Variants in GAS7 observed in about 807,000 individuals in gnomAD.
GAS7 encodes the protein growth arrest specific 7, also known as growth arrest-specific protein 7.
Under a neutral mutation model 71.1 loss-of-function variants are expected in GAS7, and 28 were observed. The ratio of observed to expected loss-of-function variants is 0.39; its 90% CI spans 0.29 to 0.54. The LOEUF is 0.54. Among genes scored for constraint, GAS7 ranks in the 20% least tolerant of loss-of-function variants. The pLI, the probability that GAS7 is intolerant of heterozygous loss-of-function variation, is 0.62. For missense variants in GAS7, 436 were observed against 627.8 expected (o/e 0.69, Z 3.27); for synonymous variants, 258 against 245.8 (o/e 1.05, Z -0.46).
At chr17:10,169,802 A>G (rs1159912508) in intron 1 of GAS7, among the ~76,000 whole-genome samples, 1 of 151,980 alleles carries the variant, frequency 6.6e-6, no homozygotes, top group Admixed American at 6.6e-5. Flanking sequence ...ATTTATACCT[A>G]CCTTGAATTA....
At chr17:9,962,787 T>C (rs1597559021) in intron 4 of GAS7, among the ~76,000 whole-genome samples, 2 of 152,158 alleles carry the variant, frequency 1.3e-5, no homozygotes, top group South Asian at 2.1e-4. Context: ...AGGGAAAATG[T>C]ACCCCTGCAA....
intron 1 of GAS7, among the ~76,000 whole-genome samples, chr17:10,108,817 T>C (rs2073783726): frequency 6.6e-6 from 1 of 152,136 alleles, no homozygotes; most frequent in South Asian, 2.1e-4. Context: ...TCTCTCACCA[T>C]ATACAAAAAT....
intron 1 of GAS7, among the ~76,000 whole-genome samples, chr17:10,120,950 G>A (rs1372825047): frequency 6.6e-6 from 1 of 152,220 alleles, no homozygotes; most frequent in Non-Finnish European, 1.5e-5. Flanking sequence ...AGGCCCACTG[G>A]AACCCCAAGG....
intron 1 of GAS7, among the ~76,000 whole-genome samples, chr17:10,150,498 C>T (rs1460125527): frequency 3.3e-5 from 5 of 150,910 alleles, no homozygotes; most frequent in Non-Finnish European, 7.4e-5. Flanking sequence ...TGAAATGTAA[C>T]TTTTCTCCTT....
intron 2 of GAS7, among the ~76,000 whole-genome samples, chr17:9,989,164 G>A (rs2070751832): frequency 6.6e-6 from 1 of 152,008 alleles, no homozygotes; most frequent in Non-Finnish European, 1.5e-5. Context: ...AGGAACTGAG[G>A]CCTCAGTGAG....
At position 10,064,764 on chromosome 17, in the gene GAS7, G is replaced by C. The variant is rs1385020408; in HGVS notation, c.184-44867C>G. Among the ~76,000 whole-genome samples, 5 of 148,716 alleles carry C rather than the reference G, an allele frequency of 3.4e-5. No homozygotes were observed. In the East Asian group the frequency reaches 9.8e-4, roughly 29 times the overall value. The stretch of plus-strand genomic sequence containing the variant: ...CAGACTGCTGACACTGTTTGTTTAA[G>C]CCACTTGATCAAACCATGCCTGAAG... On this transcript the variant is annotated intron_variant, in intron 1 of 13. Transcript: ENST00000432992.
intron 3 of GAS7, among the ~76,000 whole-genome samples, chr17:9,973,519 G>T (rs2070058860): frequency 6.6e-6 from 1 of 152,206 alleles, no homozygotes; most frequent in African/African-American, 2.4e-5. Flanking sequence ...CTCCCAAAGT[G>T]CTGGGATTAC....
chr17:10,181,466 CGAGGAACAGGAACAGCA>C (rs1032333408), intron 1 of GAS7, among the ~76,000 whole-genome samples: 4 of 151,700 alleles, frequency 2.6e-5, no homozygotes, highest in African/African-American at 7.3e-5. Context: ...AGGGTTACTT[CGAGGAACAGGAACAGCA>C]TGCACAGGGT....
At chr17:10,100,172 C>T (rs16959309) in intron 1 of GAS7, among the ~76,000 whole-genome samples, 4,311 of 152,284 alleles carry the variant, frequency 0.028, 194 homozygotes, top group African/African-American at 0.097. Context: ...TGATACACGG[C>T]TCTTTACATC....
At chr17:9,967,697 T>C (rs905697948) in intron 4 of GAS7, among the ~76,000 whole-genome samples, 12 of 152,168 alleles carry the variant, frequency 7.9e-5, no homozygotes, top group East Asian at 1.9e-4. Flanking sequence ...AATGGCTGCA[T>C]AGTATCACTG....
intron 1 of GAS7, among the ~76,000 whole-genome samples, chr17:10,167,044 C>CCTTTTTTTTTTT (rs2074299428): frequency 1.7e-5 from 1 of 58,806 alleles, no homozygotes; most frequent in African/African-American, 8.1e-5. Flanking sequence ...TTCCATTTGT[C>CCTTTTTTTTTTT]TTTTTTTTTT....
chr17:10,115,264 A>G (rs2073850255), intron 1 of GAS7, among the ~76,000 whole-genome samples: 2 of 152,218 alleles, frequency 1.3e-5, no homozygotes, highest in African/African-American at 4.8e-5. Context: ...CAGCCAGCAG[A>G]GGGAAGGACC....
At chr17:10,186,956 C>A (rs571358179) in intron 1 of GAS7, among the ~76,000 whole-genome samples, 1 of 152,128 alleles carries the variant, frequency 6.6e-6, no homozygotes, top group African/African-American at 2.4e-5. Flanking sequence ...GCTCTAGGTG[C>A]GATGATAAAA....
At chr17:10,132,736 C>T (rs925116144) in intron 1 of GAS7, among the ~76,000 whole-genome samples, 2 of 150,748 alleles carry the variant, frequency 1.3e-5, no homozygotes, top group Non-Finnish European at 2.9e-5. Context: ...CCAGTCTGGG[C>T]GACAGAGTAA....
chr17:10,179,094 C>T (rs1044341062), intron 1 of GAS7, among the ~76,000 whole-genome samples: 2 of 152,074 alleles, frequency 1.3e-5, no homozygotes, highest in Non-Finnish European at 2.9e-5. Flanking sequence ...GTTTGCAAGG[C>T]TGAGGTGGGC....
chr17:10,050,456 C>T (rs2073047308), intron 1 of GAS7, among the ~76,000 whole-genome samples: 1 of 152,150 alleles, frequency 6.6e-6, no homozygotes, highest in Admixed American at 6.5e-5. Flanking sequence ...CGAGTCTCCC[C>T]AGTACCCACA....
At chr17:10,094,763 C>T (rs55635024) in intron 1 of GAS7, among the ~76,000 whole-genome samples, 37,490 of 151,990 alleles carry the variant, frequency 0.25, 4,696 homozygotes, top group Admixed American at 0.28. Flanking sequence ...CCACCGCGCC[C>T]GGCCACTCTC....
At chr17:10,105,497 T>C (rs771181304) in intron 1 of GAS7, among the ~76,000 whole-genome samples, 6 of 152,200 alleles carry the variant, frequency 3.9e-5, no homozygotes, top group Non-Finnish European at 7.3e-5. Flanking sequence ...GAAATTTCTA[T>C]TGGACTGTGC....
intron 6 of GAS7, among the ~76,000 whole-genome samples, chr17:9,946,075 T>A (rs2068776234): frequency 6.6e-6 from 1 of 152,190 alleles, no homozygotes; most frequent in African/African-American, 2.4e-5. Flanking sequence ...TTTTGAAATG[T>A]ACAATTTAGT....
Sources: allele counts gnomAD v4.1 joint callset (sites outside exome capture counted in the v4.1 genomes callset), GRCh38; gene constraint gnomAD v4.1.1; transcripts MANE v1.5; gene names NCBI Gene and HGNC (gene_info 2026-07-23, HGNC 2026-07-21).